FNDC3A: variants seen among roughly 807,000 people sequenced by gnomAD.
FNDC3A encodes fibronectin type-III domain-containing protein 3A.
FNDC3A carries 32 observed loss-of-function variants against 148.9 expected under a neutral mutation model. That is an observed-to-expected ratio of 0.21 (90% CI 0.16 to 0.29). The LOEUF (loss-of-function observed/expected upper bound fraction) is 0.29. Among genes scored for constraint, FNDC3A ranks in the 10% least tolerant of loss-of-function variants. FNDC3A has a pLI of 1.00. For synonymous variants in FNDC3A, 472 were observed against 473.6 expected, an observed-to-expected ratio of 1.00 and a Z score of 0.04; for missense variants, 1,191 against 1,452.8, an observed-to-expected ratio of 0.82 and a Z score of 2.93.
chr13:49,191,532 C>A (rs1885887836), intron 19 of FNDC3A, 148 bp downstream of exon 19: 1 of 561,358 alleles, frequency 1.8e-6, no homozygotes, highest in Non-Finnish European at 3.1e-6. Context: ...TTGATAAATA[C>A]AAGAGAAGTC....
chr13:49,143,172 G>A (rs1262326205), intron 7 of FNDC3A, among the ~76,000 whole-genome samples: 1 of 152,062 alleles, frequency 6.6e-6, no homozygotes, highest in Non-Finnish European at 1.5e-5. Context: ...CCAGCCATAA[G>A]ATCTTTTTAA....
At chr13:49,037,238 A>G (rs531421021) in intron 2 of FNDC3A, among the ~76,000 whole-genome samples, 3 of 152,340 alleles carry the variant, frequency 2.0e-5, no homozygotes, top group South Asian at 2.1e-4. Context: ...AGTGCTTACT[A>G]TATGCCAGTC....
intron 3 of FNDC3A, among the ~76,000 whole-genome samples, chr13:49,092,455 G>A (rs1209388483): frequency 6.6e-6 from 1 of 152,154 alleles, no homozygotes; most frequent in African/African-American, 2.4e-5. Flanking sequence ...GGTATTGGCA[G>A]CTGATTAGGT....
At chr13:49,039,703 GTTTTTGT>G (rs777871856) in intron 2 of FNDC3A, among the ~76,000 whole-genome samples, 143 of 151,906 alleles carry the variant, frequency 9.4e-4, no homozygotes, top group Middle Eastern at 3.4e-3. Context: ...TACTTTTTCT[GTTTTTGT>G]TTTTTGTTTT....
At chr13:49,182,074 T>G (rs1319734784) in intron 14 of FNDC3A, among the ~76,000 whole-genome samples, 1 of 152,196 alleles carries the variant, frequency 6.6e-6, no homozygotes, top group African/African-American at 2.4e-5. Context: ...CTCAAACTCC[T>G]GAGCTCAAGG....
intron 8 of FNDC3A, among the ~76,000 whole-genome samples, chr13:49,163,083 G>A (rs1884253738): frequency 6.6e-6 from 1 of 152,166 alleles, no homozygotes; most frequent in African/African-American, 2.4e-5. Flanking sequence ...GCTACTCGGG[G>A]GTCTGGGACC....
At chr13:49,126,564 T>C (rs539625395) in intron 4 of FNDC3A, among the ~76,000 whole-genome samples, 2 of 152,352 alleles carry the variant, frequency 1.3e-5, no homozygotes, top group South Asian at 2.1e-4. Flanking sequence ...CAAATAAATA[T>C]CTTGTCGTAA....
chr13:49,041,588 ATC>A (rs1490733782), intron 2 of FNDC3A, among the ~76,000 whole-genome samples: 2 of 152,232 alleles, frequency 1.3e-5, no homozygotes, highest in African/African-American at 4.8e-5. Flanking sequence ...AGGCGGGCAG[ATC>A]ACCTGAGGTC....
At chr13:49,046,782 C>T (rs996659848) in intron 2 of FNDC3A, 3 of 152,042 alleles carry the variant, frequency 2.0e-5, no homozygotes, top group Non-Finnish European at 4.4e-5. Context: ...ATGAGTCTAC[C>T]CAGTCTTCCG....
At chr13:48,983,562 G>A (rs1951734298) in intron 1 of FNDC3A, among the ~76,000 whole-genome samples, 1 of 152,138 alleles carries the variant, frequency 6.6e-6, no homozygotes, top group South Asian at 2.1e-4. Context: ...ACGAAACTAG[G>A]CAGCAGACCA....
intron 10 of FNDC3A, among the ~76,000 whole-genome samples, chr13:49,171,822 G>A (rs1884768922): frequency 6.6e-6 from 1 of 152,160 alleles, no homozygotes; most frequent in African/African-American, 2.4e-5. Context: ...AGATTGTTCA[G>A]TGTTCGGAAA....
intron 8 of FNDC3A, among the ~76,000 whole-genome samples, chr13:49,160,416 A>G (rs981434422): frequency 2.0e-5 from 3 of 152,132 alleles, no homozygotes; most frequent in African/African-American, 7.2e-5. Flanking sequence ...AGAGGTGTTT[A>G]TAGTATTCTC....
At chr13:49,073,516 A>G (rs1404227262) in intron 2 of FNDC3A, among the ~76,000 whole-genome samples, 1 of 151,848 alleles carries the variant, frequency 6.6e-6, no homozygotes, top group Non-Finnish European at 1.5e-5. Flanking sequence ...CTCATCTGAC[A>G]GGTCATATGA....
rs143327550 is a variant in FNDC3A at position 49,011,344 on chromosome 13, C to T, written c.99+5055C>T. ...CGCCTCCCAGGTTCAAGTGATTCTCCTGCCTCAGCCTCCCAAGTGGCGGAG... is the reference window on the plus strand; with the variant it reads ...CGCCTCCCAGGTTCAAGTGATTCTCTTGCCTCAGCCTCCCAAGTGGCGGAG... On this transcript the variant is annotated intron_variant, in intron 2 of 25. Coordinates refer to ENST00000492622, the MANE Select transcript of FNDC3A (RefSeq NM_001079673.2). Among the ~76,000 whole-genome samples, 785 of 152,204 alleles carry T rather than the reference C, an allele frequency of 5.2e-3. 15 individuals are homozygous for T. The East Asian group carries it at 0.066, about 13-fold the overall frequency.
chr13:49,131,557 G>A (rs1882037222), intron 5 of FNDC3A, among the ~76,000 whole-genome samples, 183 bp downstream of exon 5: 1 of 152,164 alleles, frequency 6.6e-6, no homozygotes, highest in South Asian at 2.1e-4. Flanking sequence ...AGGCAGGTAA[G>A]TAAACAGAAA....
At chr13:49,078,023 T>TTTGTACA (rs1259693845) in intron 3 of FNDC3A, among the ~76,000 whole-genome samples, 2 of 152,218 alleles carry the variant, frequency 1.3e-5, no homozygotes, top group African/African-American at 4.8e-5. Flanking sequence ...CACATCTAGG[T>TTTGTACA]TTGTACATCT....
intron 8 of FNDC3A, among the ~76,000 whole-genome samples, chr13:49,156,376 G>T (rs1206591365): frequency 6.7e-6 from 1 of 150,354 alleles, no homozygotes; most frequent in Non-Finnish European, 1.5e-5. Flanking sequence ...TTGCTTGGTA[G>T]ATCTTCCTCC....
intron 8 of FNDC3A, among the ~76,000 whole-genome samples, chr13:49,166,616 A>G (rs1158916496): frequency 1.3e-5 from 2 of 152,154 alleles, no homozygotes; most frequent in Non-Finnish European, 2.9e-5. Flanking sequence ...CTTTCCCATG[A>G]CTAGAATACA....
At chr13:49,114,593 G>A in intron 3 of FNDC3A, 62 bp from the exon 4 acceptor site, 2 of 1,089,426 alleles carry the variant, frequency 1.8e-6, no homozygotes, top group South Asian at 2.5e-5. Context: ...AATTCAAATT[G>A]TTTTCAACTT....
Sources: allele counts gnomAD v4.1 joint callset (sites outside exome capture counted in the v4.1 genomes callset), GRCh38; gene constraint gnomAD v4.1.1; transcripts MANE v1.5; gene names NCBI Gene and HGNC (gene_info 2026-07-23, HGNC 2026-07-21).